Variants in LRIG1 observed in about 807,000 individuals in gnomAD.
The protein encoded by LRIG1 is leucine-rich repeats and immunoglobulin-like domains protein 1.
LRIG1 carries 48 observed loss-of-function variants against 99.2 expected under a neutral mutation model. The observed-to-expected ratio is 0.48, with a 90% CI of 0.38 to 0.62. The LOEUF (loss-of-function observed/expected upper bound fraction) is 0.62. Ranked by LOEUF, LRIG1 falls within the 20% of genes least tolerant of loss-of-function variation. LRIG1 has a pLI of 0.00. For synonymous variants in LRIG1, 772 were observed against 596.1 expected, an observed-to-expected ratio of 1.29 and a Z score of -4.30; for missense variants, 1,646 against 1,434.4, an observed-to-expected ratio of 1.15 and a Z score of -2.38.
chr3:66,407,364 T>A lies in LRIG1; in HGVS notation c.1063A>T (p.Arg355Trp). The change falls in exon 8 of 19, where the codon AGG (arginine) becomes TGG (tryptophan). Residue 355 changes from arginine (R) to tryptophan (W), a missense_variant. By Grantham distance (101) the Arg-to-Trp change is moderately radical. Transcript: ENST00000273261. Reference sequence around the variant, plus strand: ...GAGACGTACAAGACTCGCAGGCTCCTGAGTCCCTTGAAGGCACCCTCCGCA... The same window carrying A: ...GAGACGTACAAGACTCGCAGGCTCCAGAGTCCCTTGAAGGCACCCTCCGCA... ...HIAEGAFKGL[R>W]SLRVLDLDHN... The A allele has an allele frequency of 1.2e-6, 2 of 1,614,094 alleles. No homozygotes were observed.
chr3:66,457,766 T>G (rs577060226), intron 2 of LRIG1, among the ~76,000 whole-genome samples: 1 of 152,220 alleles, frequency 6.6e-6, no homozygotes, highest in Non-Finnish European at 1.5e-5. Context: ...TGAGAGTTTT[T>G]CCCACCACAT....
intron 5 of LRIG1, 126 bp from the exon 6 acceptor site, chr3:66,413,140 G>C: frequency 1.9e-6 from 2 of 1,080,312 alleles, no homozygotes; most frequent in Non-Finnish European, 2.7e-6. Context: ...TCCCTGGGAA[G>C]CCAGGATGTG....
At chr3:66,416,927 T>C (rs1414219326) in intron 4 of LRIG1, among the ~76,000 whole-genome samples, 2 of 152,252 alleles carry the variant, frequency 1.3e-5, no homozygotes, top group Non-Finnish European at 2.9e-5. Flanking sequence ...AGGATAATGC[T>C]GCAGGATCTG....
Position 66,383,252 on chromosome 3 carries a change from A to G in LRIG1, c.2221T>C (p.Leu741=), listed in dbSNP as rs900171. 0.59 allele frequency: 955,004 copies of G among 1,613,978 alleles called. 285,043 individuals carry two copies. Among genetic ancestry groups the G allele is most frequent in the East Asian group, 0.79 (35,615 of 44,840 alleles). Residue 741 remains leucine (L), a synonymous_variant, in exon 15 of 19, where the codon TTG becomes CTG. Coordinates refer to ENST00000273261, the MANE Select transcript of LRIG1 (RefSeq NM_015541.3). The part of the protein sequence containing the change: ...RPLSLTERHH[L]TPDNQLLVVQ... ...ACCAGGAGCTGGTTGTCAGGGGTCA[A>G]GTGGTGCCGCTCAGTGAGGCTCAGC...
chr3:66,462,293 TTCA>T (rs1700372424), intron 2 of LRIG1, 142 bp downstream of exon 2: 6 of 652,010 alleles, frequency 9.2e-6, no homozygotes, highest in Admixed American at 4.8e-5. Flanking sequence ...AGGAGTAGAA[TTCA>T]TCAACACAGT....
At chr3:66,460,638 G>T (rs1048073206) in intron 2 of LRIG1, among the ~76,000 whole-genome samples, 1 of 152,216 alleles carries the variant, frequency 6.6e-6, no homozygotes, top group African/African-American at 2.4e-5. Flanking sequence ...CCAGTACCTT[G>T]ATCTTGGACT....
chr3:66,424,738 T>C (rs912816215), intron 3 of LRIG1, among the ~76,000 whole-genome samples: 7 of 152,232 alleles, frequency 4.6e-5, no homozygotes, highest in African/African-American at 1.7e-4. Context: ...ATGGTTCAGC[T>C]TAACGATTTC....
rs757380756 is a variant in LRIG1, at chr3:66,417,137, T to C, written c.495A>G (p.Ile165Met). ...AGAACAGAGGCACTTACAGCTCCTTTATAGGCGGTCCGTGTGGAAAGCAGG... is the reference window on the plus strand; with the variant it reads ...AGAACAGAGGCACTTACAGCTCCTTCATAGGCGGTCCGTGTGGAAAGCAGG... ...RNTCFPHGPPIKELNLAGNRI... is the reference protein window; with the variant it reads ...RNTCFPHGPPMKELNLAGNRI... The change falls in exon 4 of 19, where the codon ATA (isoleucine) becomes ATG (methionine). Residue 165 changes from isoleucine to methionine, a missense_variant. Transcript: ENST00000273261. 2 of 1,614,126 alleles carry C rather than the reference T, an allele frequency of 1.2e-6. No homozygotes were observed. The highest frequency in any genetic ancestry group is 4.5e-5 in the East Asian group (2 of 44,864).
intron 1 of LRIG1, among the ~76,000 whole-genome samples, chr3:66,491,931 T>A (rs1701110242): frequency 1.3e-5 from 2 of 152,208 alleles, no homozygotes; most frequent in African/African-American, 2.4e-5. Flanking sequence ...TGAGTTAGTT[T>A]ATTTAAACTA....
chr3:66,432,727 C>T (rs541738754), intron 3 of LRIG1, among the ~76,000 whole-genome samples: 3 of 152,256 alleles, frequency 2.0e-5, no homozygotes, highest in African/African-American at 7.2e-5. Context: ...ACCAGGGAAG[C>T]GGGCAGAAGA....
At chr3:66,391,903 A>G (rs1701634609) in intron 12 of LRIG1, among the ~76,000 whole-genome samples, 2 of 152,250 alleles carry the variant, frequency 1.3e-5, no homozygotes, top group Admixed American at 6.5e-5. Context: ...AGTCAATTTT[A>G]CAACATTTTC....
At chr3:66,441,463 A>G (rs1190686876) in intron 3 of LRIG1, among the ~76,000 whole-genome samples, 2 of 152,150 alleles carry the variant, frequency 1.3e-5, no homozygotes, top group African/African-American at 4.8e-5. Context: ...CTGAATTGAC[A>G]TGAGAGAGAG....
intron 14 of LRIG1, 73 bp downstream of exon 14, chr3:66,383,914 CCACA>C: frequency 6.5e-7 from 1 of 1,545,928 alleles, no homozygotes; most frequent in East Asian, 2.3e-5. Flanking sequence ...CCACCCCTGG[CCACA>C]CAGAGCATTT....
chr3:66,464,143 A>G (rs928087419), intron 1 of LRIG1, among the ~76,000 whole-genome samples: 3 of 152,316 alleles, frequency 2.0e-5, no homozygotes, highest in East Asian at 1.9e-4. Flanking sequence ...ATTTTCTTCT[A>G]TTTTGAGCAG....
intron 3 of LRIG1, among the ~76,000 whole-genome samples, chr3:66,437,161 C>T (rs1703389130): frequency 6.6e-6 from 1 of 152,226 alleles, no homozygotes; most frequent in Non-Finnish European, 1.5e-5. Flanking sequence ...TGGACGCCTG[C>T]AGGGATCTGC....
rs772095176 is a variant in LRIG1 at position 66,382,227 on chromosome 3, GAC to G, written c.2617+44_2617+45del. 4.0e-5 allele frequency: 64 copies of G among 1,608,514 alleles called. No individual in the cohort carries two copies. The Middle Eastern group carries it at 5.0e-4, about 12-fold the overall frequency. On this transcript the variant is annotated intron_variant, in intron 16 of 18. Coordinates refer to ENST00000273261, the MANE Select transcript of LRIG1 (RefSeq NM_015541.3). ...CTGGAGGCCACCTCCAGCACCCAGAGACACAGTCACAGCAGAGCTCTGCTTCA... is the reference window on the plus strand; with the variant it reads ...CTGGAGGCCACCTCCAGCACCCAGAGACAGTCACAGCAGAGCTCTGCTTCA...
In LRIG1 at chr3:66,412,955, C is replaced by G. The variant is rs746671240; in HGVS notation, c.707G>C (p.Ser236Thr). 36 of 1,614,118 alleles carry G rather than the reference C, an allele frequency of 2.2e-5. 1 individual carries two copies. The highest frequency in any genetic ancestry group is 1.6e-4 in the Middle Eastern group (1 of 6,084). Reference protein sequence around the residue: ...IEGLTFQGLNSLEVLKLQRNN... With the variant: ...IEGLTFQGLNTLEVLKLQRNN... ...TCGCTGAAGCTTCAGCACCTCCAAG[C>G]TGTTGAGCCCCTGGAAGGTGAGGCC... Residue 236 changes from serine (S) to threonine (T), a missense_variant, in exon 6 of 19, where the codon AGC becomes ACC. By Grantham distance (58) the Ser-to-Thr change is moderately conservative. Coordinates refer to ENST00000273261, the MANE Select transcript of LRIG1 (RefSeq NM_015541.3).
At chr3:66,494,892 T>C (rs1050031880) in intron 1 of LRIG1, among the ~76,000 whole-genome samples, 3 of 152,256 alleles carry the variant, frequency 2.0e-5, no homozygotes, top group South Asian at 2.1e-4. Flanking sequence ...CTAGTCATAA[T>C]TGGACAATTA....
chr3:66,454,038 A>G (rs1266654435), intron 2 of LRIG1, among the ~76,000 whole-genome samples: 1 of 152,144 alleles, frequency 6.6e-6, no homozygotes, highest in Non-Finnish European at 1.5e-5. Flanking sequence ...TGGGCCTTCT[A>G]TGTCTAGATG....
Sources: gnomAD v4.1 joint callset for allele counts (sites outside exome capture counted in the v4.1 genomes callset) on GRCh38, gnomAD v4.1.1 for gene constraint, MANE v1.5 for transcripts, NCBI Gene and HGNC (gene_info 2026-07-23, HGNC 2026-07-21) for gene names.